The following SV2C variants were observed in gnomAD, a reference collection of about 807,000 sequenced individuals.
SV2C encodes solute carrier family 22 member B3.
A neutral mutation model predicts 79.7 loss-of-function variants in SV2C; 49 were observed. The observed-to-expected ratio is 0.61, with a 90% CI of 0.49 to 0.78. The LOEUF (loss-of-function observed/expected upper bound fraction) is 0.78. SV2C is among the 30% of genes least tolerant of loss of function. SV2C has a pLI of 0.00. For synonymous variants in SV2C, 334 were observed against 333.2 expected, an observed-to-expected ratio of 1.00 and a Z score of -0.03; for missense variants, 833 against 912.9, an observed-to-expected ratio of 0.91 and a Z score of 1.13.
At chr5:76,029,120 T>G in the SV2C span, among the ~76,000 whole-genome samples, 2 of 152,206 alleles carry the variant, frequency 1.3e-5, no homozygotes, top group Admixed American at 6.5e-5. Context: ...CAGAAAAAAT[T>G]GTATGTAGTT....
intron 1 of SV2C, among the ~76,000 whole-genome samples, chr5:76,123,637 T>A (rs1046718631): frequency 1.3e-5 from 2 of 152,170 alleles, no homozygotes; most frequent in Admixed American, 1.3e-4. Flanking sequence ...CACATGATTA[T>A]CTCAATGGAT....
intron 4 of SV2C, among the ~76,000 whole-genome samples, chr5:76,223,486 T>A (rs1448237939): frequency 9.4e-5 from 4 of 42,578 alleles, no homozygotes; most frequent in Non-Finnish European, 1.6e-4. Context: ...TATATATATA[T>A]ATATATATAT....
intron 4 of SV2C, among the ~76,000 whole-genome samples, chr5:76,235,241 C>G (rs1745576783): frequency 6.7e-6 from 1 of 149,192 alleles, no homozygotes; most frequent in South Asian, 2.1e-4. Flanking sequence ...TTTTGAAAGG[C>G]CTAAAGTCAA....
At chr5:76,176,861 A>G (rs920976676) in intron 2 of SV2C, among the ~76,000 whole-genome samples, 3 of 152,226 alleles carry the variant, frequency 2.0e-5, no homozygotes, top group Non-Finnish European at 1.5e-5. Flanking sequence ...CACGCCTGTA[A>G]TCCCAGCACT....
chr5:76,235,923 T>G (rs1268579814), intron 4 of SV2C, among the ~76,000 whole-genome samples: 1 of 152,218 alleles, frequency 6.6e-6, no homozygotes, highest in Non-Finnish European at 1.5e-5. Context: ...CGGTTCTATA[T>G]GAAATTGAAT....
chr5:75,915,258 C>T, the SV2C span, among the ~76,000 whole-genome samples: 1 of 152,200 alleles, frequency 6.6e-6, no homozygotes, highest in Non-Finnish European at 1.5e-5. Context: ...TGTGCCCATG[C>T]TCTTAACCCA....
chr5:75,909,741 T>C, the SV2C span, among the ~76,000 whole-genome samples: 1 of 152,226 alleles, frequency 6.6e-6, no homozygotes, highest in Non-Finnish European at 1.5e-5. Flanking sequence ...CTGTTAAATA[T>C]GCAAACCAAT....
chr5:76,122,955 A>C (rs889761310), intron 1 of SV2C, among the ~76,000 whole-genome samples: 18 of 152,198 alleles, frequency 1.2e-4, no homozygotes, highest in South Asian at 2.1e-4. Flanking sequence ...AGGATCAGCA[A>C]AATTGATAGA....
chr5:76,116,933 C>T (rs1209562427), intron 1 of SV2C, among the ~76,000 whole-genome samples: 2 of 152,162 alleles, frequency 1.3e-5, no homozygotes, highest in African/African-American at 4.8e-5. Flanking sequence ...GTTCTTCTTG[C>T]AAAGTTGCTC....
chr5:75,898,052 C>G, the SV2C span, among the ~76,000 whole-genome samples: 24 of 152,022 alleles, frequency 1.6e-4, no homozygotes, highest in East Asian at 1.2e-3. Context: ...TAATTGAATA[C>G]CCTTTATTTC....
the SV2C span, among the ~76,000 whole-genome samples, chr5:75,927,928 C>T: frequency 6.6e-6 from 1 of 152,148 alleles, no homozygotes; most frequent in East Asian, 1.9e-4. Flanking sequence ...AGTGTGGTAG[C>T]CCTACAGGAA....
At chr5:75,994,240 C>A in the SV2C span, among the ~76,000 whole-genome samples, 1 of 151,924 alleles carries the variant, frequency 6.6e-6, no homozygotes, top group Non-Finnish European at 1.5e-5. Flanking sequence ...AGGAGAAAGC[C>A]GGACAGACGG....
the SV2C span, among the ~76,000 whole-genome samples, chr5:75,923,971 A>G: frequency 3.9e-5 from 6 of 152,222 alleles, no homozygotes; most frequent in African/African-American, 1.4e-4. Context: ...TGTTTATAGC[A>G]ACACATTTCA....
At chr5:76,173,580 G>C (rs778311096) in intron 2 of SV2C, 1 of 1,546,936 alleles carries the variant, frequency 6.5e-7, no homozygotes, top group African/African-American at 1.4e-5. Flanking sequence ...CTGTTGAATT[G>C]GGCAACAGTT....
Position 76,326,425 on chromosome 5 carries a change from C to A in SV2C, c.*878C>A, listed in dbSNP as rs1410544571. The A allele has an allele frequency of 6.6e-6, 1 of 152,218 alleles. No homozygotes were observed. The highest frequency in any genetic ancestry group is 1.5e-5 in the Non-Finnish European group (1 of 68,042). The allele number at this position is 152,218 out of a possible 1,614,324, so 9.4% of individuals were successfully genotyped here. ...AAAACTGTCTGCCTACCTGATTCTG[C>A]CACTTACCCACACTGTCTCTAGTCT... On this transcript the variant is annotated 3_prime_UTR_variant, in exon 13 of 13. Coordinates refer to ENST00000502798, the MANE Select transcript of SV2C (RefSeq NM_014979.4).
Position 76,131,964 on chromosome 5 carries a change from G to A in SV2C, c.214G>A (p.Asp72Asn). Residue 72 changes from aspartate to asparagine, a missense_variant, in exon 2 of 13, where the codon GAC becomes AAC. Coordinates refer to ENST00000502798, the MANE Select transcript of SV2C (RefSeq NM_014979.4). The part of the protein sequence containing the change: ...GETYNGEAND[D>N]EGSSEATEGH... ...AACCTATAATGGTGAGGCCAACGAT[G>A]ACGAAGGCTCAAGTGAAGCCACTGA... The A allele has an allele frequency of 6.2e-7, 1 of 1,614,024 alleles. No homozygotes were observed.
intron 12 of SV2C, chr5:76,353,114 AATT>A: frequency 5.4e-6 from 1 of 183,902 alleles, no homozygotes; most frequent in Non-Finnish European, 1.4e-5. Flanking sequence ...CTAATTTTTT[AATT>A]TTTTTTTTGT....
At chr5:76,275,332 A>G (rs561933764) in intron 4 of SV2C, among the ~76,000 whole-genome samples, 29 of 152,030 alleles carry the variant, frequency 1.9e-4, no homozygotes, top group Non-Finnish European at 3.8e-4. Flanking sequence ...CTAAAAATAC[A>G]AAAAATTAGC....
At chr5:76,059,929 A>G in the SV2C span, among the ~76,000 whole-genome samples, 1 of 152,120 alleles carries the variant, frequency 6.6e-6, no homozygotes, top group Non-Finnish European at 1.5e-5. Context: ...GTGTGCAGGC[A>G]AGAAAACAAT....
Sources: gnomAD v4.1 joint callset for allele counts (sites outside exome capture counted in the v4.1 genomes callset) on GRCh38, gnomAD v4.1.1 for gene constraint, MANE v1.5 for transcripts, NCBI Gene and HGNC (gene_info 2026-07-23, HGNC 2026-07-21) for gene names.